The following CC2D2B variants were observed in gnomAD, a reference collection of about 807,000 sequenced individuals.
CC2D2B encodes the protein coiled-coil and C2 domain containing 2B.
A neutral mutation model predicts 161.2 loss-of-function variants in CC2D2B; 128 were observed. The ratio of observed to expected loss-of-function variants is 0.79; its 90% CI spans 0.69 to 0.92. The LOEUF is 0.92. CC2D2B is among the 40% of genes least tolerant of loss of function. The pLI is 0.00. For missense variants in CC2D2B, 1,173 were observed against 1,375.1 expected, an observed-to-expected ratio of 0.85 and a Z score of 2.32; for synonymous variants, 391 against 449.8, an observed-to-expected ratio of 0.87 and a Z score of 1.65.
chr10:95,969,468 A>G (rs1432012268), intron 15 of CC2D2B, among the ~76,000 whole-genome samples: 1 of 152,178 alleles, frequency 6.6e-6, no homozygotes, highest in Non-Finnish European at 1.5e-5. Context: ...AGTCTAGACA[A>G]GAAGTCCTGG....
At chr10:95,933,483 A>G (rs1032860281) in intron 6 of CC2D2B, among the ~76,000 whole-genome samples, 1 of 152,048 alleles carries the variant, frequency 6.6e-6, no homozygotes, top group African/African-American at 2.4e-5. Flanking sequence ...TGAAATTTTC[A>G]GCCTTTTTCT....
chr10:96,025,168 T>TAAAAAAAAA (rs1564683736), intron 33 of CC2D2B, among the ~76,000 whole-genome samples: 21 of 12,506 alleles, frequency 1.7e-3, no homozygotes, highest in African/African-American at 0.01. Context: ...TATATATATA[T>TAAAAAAAAA]ATATATATAT....
chr10:95,946,563 C>G (rs2076205249), intron 9 of CC2D2B, among the ~76,000 whole-genome samples: 1 of 152,168 alleles, frequency 6.6e-6, no homozygotes. Context: ...AATTTACCAA[C>G]TTATTACCAA....
intron 12 of CC2D2B, among the ~76,000 whole-genome samples, chr10:95,963,287 A>G (rs1255758188): frequency 6.6e-6 from 1 of 152,140 alleles, no homozygotes; most frequent in Non-Finnish European, 1.5e-5. Context: ...CTTTACCACT[A>G]TTGACCTCAC....
intron 24 of CC2D2B, among the ~76,000 whole-genome samples, chr10:95,997,706 T>C (rs185054613): frequency 6.6e-6 from 1 of 152,236 alleles, no homozygotes; most frequent in Non-Finnish European, 1.5e-5. Context: ...AAAACACAGA[T>C]TGGTAAGCCC....
chr10:95,975,657 A>C (rs942592236), intron 17 of CC2D2B, among the ~76,000 whole-genome samples: 2 of 152,188 alleles, frequency 1.3e-5, no homozygotes, highest in African/African-American at 4.8e-5. Flanking sequence ...CAAGTGAATA[A>C]CTGTGGTTCT....
At chr10:95,974,222 T>C (rs1355004562) in intron 17 of CC2D2B, 66 bp downstream of exon 17, 32 of 917,640 alleles carry the variant, frequency 3.5e-5, no homozygotes, top group Non-Finnish European at 4.3e-5. Context: ...AAACATATTA[T>C]GTGTAAAAGA....
intron 34 of CC2D2B, among the ~76,000 whole-genome samples, chr10:96,029,559 G>T (rs2079977252): frequency 1.3e-5 from 2 of 151,310 alleles, no homozygotes; most frequent in Non-Finnish European, 2.9e-5. Context: ...CCTGTTATTT[G>T]TTCTGGGCAA....
intron 12 of CC2D2B, among the ~76,000 whole-genome samples, chr10:95,964,777 T>C (rs1015104322): frequency 6.6e-6 from 1 of 152,168 alleles, no homozygotes; most frequent in Non-Finnish European, 1.5e-5. Flanking sequence ...TAATACCTTT[T>C]AAACAGCTCT....
intron 6 of CC2D2B, among the ~76,000 whole-genome samples, chr10:95,936,937 C>T (rs544833548): frequency 2.6e-4 from 39 of 152,254 alleles, no homozygotes; most frequent in Non-Finnish European, 4.3e-4. Context: ...TTGTAGTCTA[C>T]GACTGGGATC....
At chr10:95,979,680 A>C (rs1234960035) in intron 17 of CC2D2B, among the ~76,000 whole-genome samples, 1 of 152,176 alleles carries the variant, frequency 6.6e-6, no homozygotes, top group Non-Finnish European at 1.5e-5. Flanking sequence ...CTTAGCTCTC[A>C]GCACAGTTAT....
At chr10:95,937,292 T>C (rs1350661708) in intron 6 of CC2D2B, among the ~76,000 whole-genome samples, 1 of 152,186 alleles carries the variant, frequency 6.6e-6, no homozygotes, top group Non-Finnish European at 1.5e-5. Context: ...CTGTCTCTGT[T>C]GTTCAGTATG....
At chr10:95,945,777 CTTTTTTTTT>C (rs34209550) in intron 9 of CC2D2B, among the ~76,000 whole-genome samples, 106 of 81,128 alleles carry the variant, frequency 1.3e-3, no homozygotes, top group Non-Finnish European at 2.2e-3. Flanking sequence ...TAATGTTGGA[CTTTTTTTTT>C]TTTTTTTTTT....
chr10:96,016,815 C>T (rs796358544), intron 30 of CC2D2B, among the ~76,000 whole-genome samples: 6 of 152,212 alleles, frequency 3.9e-5, no homozygotes, highest in South Asian at 2.1e-4. Context: ...CTGCCTCCCG[C>T]GTTCTAGTGA....
intron 19 of CC2D2B, among the ~76,000 whole-genome samples, chr10:95,986,776 T>C (rs888183637): frequency 3.9e-5 from 6 of 151,968 alleles, no homozygotes; most frequent in African/African-American, 1.5e-4. Flanking sequence ...TTTGTATTTT[T>C]GGTAGAGACA....
intron 34 of CC2D2B, among the ~76,000 whole-genome samples, chr10:96,030,667 T>G (rs2141994043): frequency 6.6e-6 from 1 of 152,340 alleles, no homozygotes; most frequent in South Asian, 2.1e-4. Flanking sequence ...ATCAAAGTGC[T>G]GGCAGAAAAG....
chr10:95,938,705 G>C lies in CC2D2B; in HGVS notation c.672G>C (p.Glu224Asp). ...AAAATCGCCTGCTTAAACTAGAAGA[G>C]GCAAGTGCACCACCTAACAAGTTAA... ...KMENRLLKLE[E>D]GKCWFGESGE... is the part of the protein sequence containing the mutation. The change falls in exon 8 of 35, where the codon GAG (glutamate) becomes GAC (aspartate). Residue 224 changes from glutamate to aspartate, a missense_variant and splice_region_variant. Physicochemically the swap from Glu to Asp is conservative, Grantham distance 45 (BLOSUM62 2). Around this residue, in one of 3 missense-constraint regions of CC2D2B, gnomAD observed 298 missense variants for 261.2 expected, o/e 1.14. Coordinates refer to ENST00000646931, the MANE Select transcript of CC2D2B (RefSeq NM_001349008.3). 1 of 710,358 alleles carries C rather than the reference G, an allele frequency of 1.4e-6. No individual in the cohort carries two copies. Among genetic ancestry groups the C allele is most frequent in the East Asian group, 2.7e-5 (1 of 37,220 alleles). 44.0% of individuals were successfully genotyped at this position (710,358 alleles called of 1,614,324 possible).
At chr10:95,993,902 G>GAA (rs1257116832) in intron 22 of CC2D2B, among the ~76,000 whole-genome samples, 2 of 7,030 alleles carry the variant, frequency 2.8e-4, no homozygotes, top group African/African-American at 1.0e-3. Context: ...GAGAGAGAAT[G>GAA]TGTGTGTGTG....
intron 24 of CC2D2B, among the ~76,000 whole-genome samples, chr10:95,998,642 G>C (rs2078330282): frequency 1.3e-5 from 2 of 152,126 alleles, no homozygotes; most frequent in Non-Finnish European, 2.9e-5. Context: ...TGGCAAGCTG[G>C]AGACTTGGGA....
Sources: gnomAD v4.1 joint callset for allele counts (sites outside exome capture counted in the v4.1 genomes callset) on GRCh38, gnomAD v4.1.1 for gene constraint, gnomAD v4.1.1 regional missense constraint, MANE v1.5 for transcripts, NCBI Gene and HGNC (gene_info 2026-07-23, HGNC 2026-07-21) for gene names.